Variants in SGCZ observed in about 807,000 individuals in gnomAD.
The protein encoded by SGCZ is sarcoglycan zeta.
Under a neutral mutation model 41.3 loss-of-function variants are expected in SGCZ, and 40 were observed. That is an observed-to-expected ratio of 0.97 (90% CI 0.75 to 1.26). The LOEUF (loss-of-function observed/expected upper bound fraction) is 1.26. Among genes scored for constraint, SGCZ ranks in the 50% most tolerant of loss-of-function variants. The pLI is 0.00. For missense variants in SGCZ, 552 were observed against 369.8 expected (o/e 1.49, Z -4.04); for synonymous variants, 206 against 137.5 (o/e 1.50, Z -3.49).
At chr8:14,899,032 T>C (rs1805305613) in intron 1 of SGCZ, among the ~76,000 whole-genome samples, 1 of 152,192 alleles carries the variant, frequency 6.6e-6, no homozygotes, top group South Asian at 2.1e-4. Flanking sequence ...TTTTACCGTG[T>C]TAGAGTTTCA....
At chr8:15,090,819 G>C (rs1000540741) in intron 1 of SGCZ, among the ~76,000 whole-genome samples, 1 of 152,182 alleles carries the variant, frequency 6.6e-6, no homozygotes, top group Non-Finnish European at 1.5e-5. Flanking sequence ...AATCTCAAGA[G>C]TGAAAGGTTG....
intron 1 of SGCZ, among the ~76,000 whole-genome samples, chr8:14,558,962 C>A (rs1048202276): frequency 6.6e-6 from 1 of 151,898 alleles, no homozygotes; most frequent in East Asian, 1.9e-4. Context: ...ACAAAACTGG[C>A]ACAGAAGGGA....
chr8:14,517,853 GTAT>G (rs1199708829), intron 2 of SGCZ, among the ~76,000 whole-genome samples: 2 of 151,516 alleles, frequency 1.3e-5, no homozygotes, highest in African/African-American at 2.4e-5. Context: ...ATTTTATGTA[GTAT>G]TATCATATTT....
At chr8:14,898,571 G>A (rs1176256416) in intron 1 of SGCZ, among the ~76,000 whole-genome samples, 2 of 152,150 alleles carry the variant, frequency 1.3e-5, no homozygotes, top group Middle Eastern at 3.2e-3. Context: ...AAGAATAATG[G>A]GAAAGATGGT....
intron 1 of SGCZ, among the ~76,000 whole-genome samples, chr8:14,765,965 G>GTCT (rs1379482457): frequency 2.4e-5 from 3 of 123,426 alleles, no homozygotes; most frequent in Non-Finnish European, 5.3e-5. Flanking sequence ...GCATATGATA[G>GTCT]TCTTTTTTTT....
chr8:14,537,274 A>G (rs548338068), intron 2 of SGCZ, among the ~76,000 whole-genome samples: 130 of 151,834 alleles, frequency 8.6e-4, no homozygotes, highest in African/African-American at 3.0e-3. Flanking sequence ...CTATCACTTC[A>G]TTTTCAAGAC....
At chr8:14,280,379 C>A (rs1043336020) in intron 3 of SGCZ, among the ~76,000 whole-genome samples, 1 of 151,714 alleles carries the variant, frequency 6.6e-6, no homozygotes, top group African/African-American at 2.4e-5. Context: ...GTGTTTATAA[C>A]CTCAAGGTAG....
At chr8:14,311,751 G>A (rs116269999) in intron 3 of SGCZ, among the ~76,000 whole-genome samples, 6,006 of 152,116 alleles carry the variant, frequency 0.039, 373 homozygotes, top group African/African-American at 0.14. Context: ...TTGAATATAC[G>A]AATCATTCAT....
intron 1 of SGCZ, among the ~76,000 whole-genome samples, chr8:14,747,267 C>G (rs1799362543): frequency 1.3e-5 from 2 of 152,180 alleles, no homozygotes; most frequent in Non-Finnish European, 2.9e-5. Flanking sequence ...ATCTCGTCTC[C>G]TGTCCCCAGG....
At chr8:15,072,479 AG>A (rs1805392304) in intron 1 of SGCZ, among the ~76,000 whole-genome samples, 1 of 152,280 alleles carries the variant, frequency 6.6e-6, no homozygotes, top group South Asian at 2.1e-4. Context: ...CACGTTAAAA[AG>A]CTTTCATACT....
intron 1 of SGCZ, among the ~76,000 whole-genome samples, chr8:14,883,307 G>T (rs1804664442): frequency 6.6e-6 from 1 of 151,508 alleles, no homozygotes; most frequent in African/African-American, 2.4e-5. Context: ...TTCAGTTTTG[G>T]CCCTTGGAAT....
intron 1 of SGCZ, among the ~76,000 whole-genome samples, chr8:14,724,030 G>T (rs1254455806): frequency 1.3e-5 from 2 of 152,034 alleles, no homozygotes; most frequent in South Asian, 4.2e-4. Context: ...CACACTCTTG[G>T]TGTTAAAGAA....
chr8:14,372,199 T>A (rs1257825052), intron 2 of SGCZ, among the ~76,000 whole-genome samples: 1 of 152,100 alleles, frequency 6.6e-6, no homozygotes, highest in African/African-American at 2.4e-5. Context: ...AGTAAGTAGG[T>A]CCAATATTAA....
chr8:14,830,621 G>A (rs1802493355), intron 1 of SGCZ, among the ~76,000 whole-genome samples: 1 of 152,144 alleles, frequency 6.6e-6, no homozygotes, highest in Non-Finnish European at 1.5e-5. Flanking sequence ...GTCTATGCAT[G>A]CCTATTCCAG....
intron 1 of SGCZ, among the ~76,000 whole-genome samples, chr8:15,109,228 G>A (rs1806950445): frequency 2.0e-5 from 3 of 152,198 alleles, no homozygotes; most frequent in Middle Eastern, 3.4e-3. Context: ...TCCTTTCCCA[G>A]CTTACAGATC....
chr8:14,359,460 G>GA (rs1803424695), intron 2 of SGCZ, among the ~76,000 whole-genome samples: 1 of 150,824 alleles, frequency 6.6e-6, no homozygotes, highest in South Asian at 2.1e-4. Flanking sequence ...TATTCTCAAG[G>GA]ACAAACCATA....
chr8:14,310,608 C>T (rs1348296972), intron 3 of SGCZ, among the ~76,000 whole-genome samples: 1 of 151,964 alleles, frequency 6.6e-6, no homozygotes, highest in Non-Finnish European at 1.5e-5. Context: ...AAAAATGGCT[C>T]AAGGAGTAAA....
intron 2 of SGCZ, among the ~76,000 whole-genome samples, chr8:14,384,685 T>A (rs1804503757): frequency 6.6e-6 from 1 of 152,070 alleles, no homozygotes; most frequent in Admixed American, 6.6e-5. Flanking sequence ...TCAGCCACCC[T>A]AGTAGCTGGG....
At chr8:15,171,696 C>A (rs17472099) in intron 1 of SGCZ, among the ~76,000 whole-genome samples, 9,777 of 152,234 alleles carry the variant, frequency 0.064, 353 homozygotes, top group Non-Finnish European at 0.069. Flanking sequence ...AGCCCTTGAT[C>A]CTCTTCCTTT....
Sources: allele counts gnomAD v4.1 joint callset (sites outside exome capture counted in the v4.1 genomes callset), GRCh38; gene constraint gnomAD v4.1.1; transcripts MANE v1.5; gene names NCBI Gene and HGNC (gene_info 2026-07-23, HGNC 2026-07-21).